FGF12: variants seen among roughly 807,000 people sequenced by gnomAD.
The protein encoded by FGF12 is fibroblast growth factor 12B.
In FGF12, 14 loss-of-function variants were observed where a neutral mutation model predicts 23.6. That is an observed-to-expected ratio of 0.59 (90% confidence interval 0.39 to 0.93). FGF12 has a LOEUF of 0.93. Among genes scored for constraint, FGF12 ranks in the 40% least tolerant of loss-of-function variants. FGF12 has a pLI of 0.00. For synonymous variants in FGF12, 62 were observed against 77.3 expected (o/e 0.80, Z 1.04); for missense variants, 175 against 217.8 (o/e 0.80, Z 1.24).
chr3:192,150,327 C>T (rs1412529155), intron 5 of FGF12, among the ~76,000 whole-genome samples: 1 of 84,342 alleles, frequency 1.2e-5, no homozygotes, highest in Non-Finnish European at 2.4e-5. Flanking sequence ...TAATTAGATC[C>T]CATTTGTCAA....
rs562814327 is a variant in FGF12 at position 192,146,846 on chromosome 3, T to C, written c.428-2719A>G. 9.8e-5 allele frequency among the ~76,000 whole-genome samples: 15 copies of C among 152,296 alleles called. No homozygotes were observed. In the South Asian group the frequency reaches 2.7e-3, roughly 27 times the overall value. On this transcript the variant is annotated intron_variant, in intron 5 of 5. Coordinates refer to ENST00000445105, the MANE Select transcript of FGF12 (RefSeq NM_004113.6). Reference sequence around the variant, plus strand: ...TATTGCAAATTGACATCTGAAAATATACAGTGTTTCAAAAAGACCAAAAGT... The same window carrying C: ...TATTGCAAATTGACATCTGAAAATACACAGTGTTTCAAAAAGACCAAAAGT...
At chr3:192,305,727 G>A (rs73066542) in intron 4 of FGF12, among the ~76,000 whole-genome samples, 2,760 of 147,128 alleles carry the variant, frequency 0.019, 96 homozygotes, top group African/African-American at 0.065. Context: ...AAAACTGTGT[G>A]AAAAGATCTA....
At chr3:192,277,531 A>T (rs1713866899) in intron 4 of FGF12, among the ~76,000 whole-genome samples, 1 of 152,136 alleles carries the variant, frequency 6.6e-6, no homozygotes, top group African/African-American at 2.4e-5. Context: ...ATTCACATGA[A>T]GTTTTTGGTC....
intron 4 of FGF12, among the ~76,000 whole-genome samples, chr3:192,172,143 CT>C (rs1190728436): frequency 6.6e-6 from 1 of 151,940 alleles, no homozygotes. Flanking sequence ...AATGCCAGCA[CT>C]TCGGGAGGTT....
intron 4 of FGF12, among the ~76,000 whole-genome samples, chr3:192,173,453 A>C (rs1224424795): frequency 7.2e-6 from 1 of 139,606 alleles, no homozygotes; most frequent in Non-Finnish European, 1.6e-5. Context: ...GCCAGGACAG[A>C]GTTTAGTCAT....
chr3:192,265,021 G>A (rs909512337), intron 4 of FGF12, among the ~76,000 whole-genome samples: 3 of 152,038 alleles, frequency 2.0e-5, no homozygotes, highest in Admixed American at 1.3e-4. Context: ...CACTTTATAA[G>A]TAAGTCAAAC....
chr3:192,433,076 C>T (rs1721913955), intron 2 of FGF12, among the ~76,000 whole-genome samples: 1 of 152,204 alleles, frequency 6.6e-6, no homozygotes, highest in South Asian at 2.1e-4. Context: ...CGCTCCAACG[C>T]ACACATATGT....
At chr3:192,193,141 T>C (rs531589864) in intron 4 of FGF12, among the ~76,000 whole-genome samples, 2 of 152,316 alleles carry the variant, frequency 1.3e-5, no homozygotes, top group African/African-American at 2.4e-5. Flanking sequence ...ATGCCATGTG[T>C]ATTCTTAAAT....
At chr3:192,647,678 T>A in intron 2 of FGF12, among the ~76,000 whole-genome samples, 1 of 149,220 alleles carries the variant, frequency 6.7e-6, no homozygotes, top group South Asian at 2.1e-4. Flanking sequence ...TGAAGATACA[T>A]ATATACATAT....
At chr3:192,579,567 T>C (rs894510953) in intron 2 of FGF12, among the ~76,000 whole-genome samples, 2 of 152,190 alleles carry the variant, frequency 1.3e-5, no homozygotes, top group Non-Finnish European at 2.9e-5. Flanking sequence ...ATTATCATTA[T>C]TATTGAGACG....
intron 2 of FGF12, among the ~76,000 whole-genome samples, chr3:192,413,142 C>T (rs752264591): frequency 6.6e-6 from 1 of 152,044 alleles, no homozygotes; most frequent in Non-Finnish European, 1.5e-5. Context: ...AAAGGAAAAA[C>T]AGAGGCTTTT....
chr3:192,350,605 G>A (rs1718174889), intron 3 of FGF12, among the ~76,000 whole-genome samples: 1 of 152,082 alleles, frequency 6.6e-6, no homozygotes, highest in Non-Finnish European at 1.5e-5. Context: ...TATTTGGAAG[G>A]ACATTCCAGA....
Position 192,408,066 on chromosome 3 carries a change from C to T in FGF12, c.14-47528G>A. On this transcript the variant is annotated intron_variant, in intron 2 of 5. Coordinates refer to ENST00000445105, the MANE Select transcript of FGF12 (RefSeq NM_004113.6). The surrounding 1 kb of genome is among the most constrained non-coding windows in gnomAD (Gnocchi z 7.3). ...CGGCCTCTTGCGGCCGCTGCAGAAG[C>T]GCACTTTGCTGAACACCCCGAGGAC... The T allele has an allele frequency of 6.2e-7, 1 of 1,612,896 alleles. No homozygotes were observed.
chr3:192,236,769 T>C (rs1045249582), intron 4 of FGF12, among the ~76,000 whole-genome samples: 1 of 152,076 alleles, frequency 6.6e-6, no homozygotes, highest in African/African-American at 2.4e-5. Context: ...TACAGTTGGG[T>C]CTTGCTTTTT....
chr3:192,433,414 A>C (rs1483385736), intron 2 of FGF12, among the ~76,000 whole-genome samples: 1 of 152,244 alleles, frequency 6.6e-6, no homozygotes, highest in African/African-American at 2.4e-5. Context: ...ATATCAAATT[A>C]CTTACCAAGC....
At position 192,408,338 on chromosome 3, in the gene FGF12, T is replaced by A. The variant is rs1721054500; in HGVS notation, c.14-47800A>T. On this transcript the variant is annotated intron_variant, in intron 2 of 5. Coordinates refer to ENST00000445105, the MANE Select transcript of FGF12 (RefSeq NM_004113.6). The surrounding 1 kb of genome is among the most constrained non-coding windows in gnomAD (Gnocchi z 7.3). ...GGAAAGGGCAGTCGCGGGGAGGCAG[T>A]GCTAAAATTTGAGGAGGCTGCAGTA... The A allele has an allele frequency of 1.4e-6, 2 of 1,431,106 alleles. No individual in the cohort carries two copies. The highest frequency in any genetic ancestry group is 1.8e-6 in the Non-Finnish European group (2 of 1,096,742). 88.7% of individuals were successfully genotyped at this position (1,431,106 alleles called of 1,614,324 possible).
intron 2 of FGF12, among the ~76,000 whole-genome samples, chr3:192,572,462 C>G (rs1712684910): frequency 6.6e-6 from 1 of 151,996 alleles, no homozygotes; most frequent in Admixed American, 6.5e-5. Flanking sequence ...TAAAATTAAT[C>G]AAAAGGACAC....
intron 2 of FGF12, among the ~76,000 whole-genome samples, chr3:192,537,656 A>G (rs1725257810): frequency 6.6e-6 from 1 of 152,212 alleles, no homozygotes; most frequent in African/African-American, 2.4e-5. Flanking sequence ...TTTTTTCCCT[A>G]TTGAGTTGTT....
At chr3:192,512,811 T>A (rs1724520426) in intron 2 of FGF12, among the ~76,000 whole-genome samples, 1 of 114,774 alleles carries the variant, frequency 8.7e-6, no homozygotes, top group Non-Finnish European at 1.9e-5. Context: ...AGACTCACTG[T>A]TAAACCTAGA....
Sources: gnomAD v4.1 joint callset for allele counts (sites outside exome capture counted in the v4.1 genomes callset) on GRCh38, gnomAD v4.1.1 for gene constraint, Gnocchi (gnomAD v3.1) non-coding constraint, MANE v1.5 for transcripts, NCBI Gene and HGNC (gene_info 2026-07-23, HGNC 2026-07-21) for gene names.